CCDC116: variants seen among roughly 807,000 people sequenced by gnomAD.
CCDC116 encodes the protein coiled-coil domain-containing protein 116.
A neutral mutation model predicts 29.4 loss-of-function variants in CCDC116; 24 were observed. That is an observed-to-expected ratio of 0.82 (90% CI 0.59 to 1.15). The LOEUF is 1.15. Ranked by LOEUF, CCDC116 falls within the 50% of genes most tolerant of loss-of-function variation. The pLI is 0.00. For missense variants in CCDC116, 791 were observed against 804.0 expected, an observed-to-expected ratio of 0.98 and a Z score of 0.20; for synonymous variants, 298 against 331.4, an observed-to-expected ratio of 0.90 and a Z score of 1.10.
rs750748159 is a variant in CCDC116 at position 21,636,612 on chromosome 22, G to A, written c.1384G>A (p.Gly462Ser). 8.1e-6 allele frequency: 13 copies of A among 1,613,974 alleles called. No individual in the cohort carries two copies. The highest frequency in any genetic ancestry group is 1.3e-5 in the African/African-American group (1 of 74,908). Residue 462 changes from glycine (G) to serine (S), a missense_variant, in exon 5 of 5, where the codon GGC (glycine) becomes AGC (serine). Transcript: ENST00000292779. ...CGAAAAGGACCTCAGTAAGCAGCTGGGCTTCTTCTCCTTCCCCATCACCCA... is the reference window on the plus strand; with the variant it reads ...CGAAAAGGACCTCAGTAAGCAGCTGAGCTTCTTCTCCTTCCCCATCACCCA... ...EFEKDLSKQL[G>S]FFSFPITHVL...
At position 21,634,589 on chromosome 22, in the gene CCDC116, G is replaced by C. The variant is rs765361354; in HGVS notation, c.621+19G>C. ...GGAAGGGGTGAGAGCCAGGGCCATG[G>C]CTGGGTGGGGTGGACTCCCATGGAG... is the stretch of plus-strand genomic sequence containing the variant. On this transcript the variant is annotated intron_variant, in intron 3 of 4. Coordinates refer to ENST00000292779, the MANE Select transcript of CCDC116 (RefSeq NM_152612.3). 1.3e-6 allele frequency: 2 copies of C among 1,580,660 alleles called. No homozygotes were observed. Among genetic ancestry groups the C allele is most frequent in the African/African-American group, 1.3e-5 (1 of 74,360 alleles).
intron 2 of CCDC116, 60 bp downstream of exon 2, chr22:21,633,313 G>A (rs1046922319): frequency 1.5e-6 from 2 of 1,352,260 alleles, no homozygotes; most frequent in Non-Finnish European, 2.0e-6. Context: ...CACCAACCCT[G>A]GCACCCAAGA....
chr22:21,635,944 G>A, intron 4 of CCDC116: 1 of 389,690 alleles, frequency 2.6e-6, no homozygotes, highest in Non-Finnish European at 4.6e-6. Context: ...GCCTCGAGCA[G>A]GACTCTCCAG....
chr22:21,637,297 G>T lies in CCDC116; in HGVS notation c.*227G>T. On this transcript the variant is annotated 3_prime_UTR_variant, in exon 5 of 5. Coordinates refer to ENST00000292779, the MANE Select transcript of CCDC116 (RefSeq NM_152612.3). Reference sequence around the variant, plus strand: ...AGTGAAAGAAATAGAAATAAAGCCTGTGTTGCTGGGACACAGGTTTGCTGT... The same window carrying T: ...AGTGAAAGAAATAGAAATAAAGCCTTTGTTGCTGGGACACAGGTTTGCTGT... The T allele has an allele frequency of 2.1e-6, 1 of 469,138 alleles. No homozygotes were observed. Among genetic ancestry groups the T allele is most frequent in the Non-Finnish European group, 3.6e-6 (1 of 277,916 alleles). 29.1% of individuals were successfully genotyped at this position (469,138 alleles called of 1,614,324 possible). A position where few individuals can be genotyped will look rare whatever the true frequency, so the allele number is the denominator to read the frequency against.
In CCDC116 at chr22:21,634,359, G is replaced by A. The variant is rs145707950; in HGVS notation, c.410G>A (p.Arg137His). The stretch of plus-strand genomic sequence containing the variant: ...AGCCTCAGCACCGTACACCGGCACC[G>A]TGTACGGCCGACCCTCTGCACTGGA... ...RPSLSTVHRH[R>H]VRPTLCTGHP... The change falls in exon 3 of 5, where the codon CGT becomes CAT. Residue 137 changes from arginine to histidine, a missense_variant. Arg to His is a conservative substitution (Grantham distance 29). Transcript: ENST00000292779. The A allele has an allele frequency of 8.7e-6, 14 of 1,613,002 alleles. No homozygotes were observed. In the East Asian group the frequency reaches 8.9e-5, roughly 10 times the overall value.
At chr22:21,636,007 A>G (rs759418602) in intron 4 of CCDC116, among the ~76,000 whole-genome samples, 2 of 152,236 alleles carry the variant, frequency 1.3e-5, no homozygotes, top group African/African-American at 2.4e-5. Flanking sequence ...TACAAGACGT[A>G]GGTGGCCTCA....
In CCDC116 at chr22:21,637,073, C is replaced by T; in HGVS notation, c.*3C>T. The T allele has an allele frequency of 1.2e-6, 2 of 1,600,032 alleles. No individual in the cohort carries two copies. The highest frequency in any genetic ancestry group is 1.7e-6 in the Non-Finnish European group (2 of 1,172,044). ...ACAAGGATGAGGATGGAGTCTAGAG[C>T]CTCCCAGAGCCTGGAGAGGAGGCCT... On this transcript the variant is annotated 3_prime_UTR_variant, in exon 5 of 5. Transcript: ENST00000292779.
chr22:21,634,133 C>T lies in CCDC116; in HGVS notation c.184C>T (p.Arg62Ter), dbSNP rs201488040. ...CGSSALQGQR[R>*]NKRHPQPFGH... ...CAGCTCAGCACTCCAGGGCCAACGC[C>T]GAAACAAGAGGCACCCTCAGCCCTT... is the stretch of plus-strand genomic sequence containing the variant. Residue 62 changes from arginine (R) to a stop codon, truncating the protein, a stop_gained, in exon 3 of 5, where the codon CGA becomes TGA. Transcript: ENST00000292779. LOFTEE classifies it high-confidence loss of function. The T allele has an allele frequency of 6.6e-5, 107 of 1,614,224 alleles. No homozygotes were observed. The East Asian group carries it at 1.2e-3, about 18-fold the overall frequency.
At position 21,633,203 on chromosome 22, in the gene CCDC116, T is replaced by G. The variant is rs991034536; in HGVS notation, c.22T>G (p.Ser8Ala). Residue 8 changes from serine (S) to alanine (A), a missense_variant, in exon 2 of 5, where the codon TCG becomes GCG. Physicochemically the swap from Ser to Ala is moderately conservative, Grantham distance 99 (BLOSUM62 1). Coordinates refer to ENST00000292779, the MANE Select transcript of CCDC116 (RefSeq NM_152612.3). ...CCACATGGCCAGGTGCCGCCACCAC[T>G]CGGGTTACCTGGCCGATGACGAGGC... MARCRHH[S>A]GYLADDEASH... The G allele has an allele frequency of 1.9e-6, 3 of 1,550,576 alleles. No homozygotes were observed. The highest frequency in any genetic ancestry group is 2.6e-6 in the Non-Finnish European group (3 of 1,146,970).
chr22:21,633,077 G>C lies in CCDC116; in HGVS notation c.-62-43G>C, dbSNP rs1348892902. 6 of 878,892 alleles carry C rather than the reference G, an allele frequency of 6.8e-6. No homozygotes were observed. The Admixed American group carries it at 1.2e-4, about 18-fold the overall frequency. The allele number at this position is 878,892 out of a possible 1,614,324, so 54.4% of individuals were successfully genotyped here. ...GCAGACTCCAGGGCCACAGATGCGT[G>C]GACCTATTGGAGACCCTCAGGTTGT... is the stretch of plus-strand genomic sequence containing the variant. On this transcript the variant is annotated intron_variant, in intron 1 of 4. Coordinates refer to ENST00000292779, the MANE Select transcript of CCDC116 (RefSeq NM_152612.3).
intron 2 of CCDC116, 77 bp downstream of exon 2, chr22:21,633,330 C>T: frequency 5.1e-6 from 6 of 1,171,284 alleles, no homozygotes; most frequent in Non-Finnish European, 7.2e-6. Flanking sequence ...AAGACCACAA[C>T]CCCCATTTCT....
rs867421486 is a variant in CCDC116, at chr22:21,634,791, C to T, written c.728C>T (p.Ser243Leu). The change falls in exon 4 of 5, where the codon TCA becomes TTA. Residue 243 changes from serine to leucine, a missense_variant. Physicochemically the swap from Ser to Leu is moderately radical, Grantham distance 145 (BLOSUM62 -2). Transcript: ENST00000292779. ...CAGGAGCAGCCCTTGTCCTGGTTCT[C>T]AGGGCTGCTGGGCTCAAGCTCTGGC... is the stretch of plus-strand genomic sequence containing the variant. ...WTQEQPLSWFSGLLGSSSGVP... is the reference protein window; with the variant it reads ...WTQEQPLSWFLGLLGSSSGVP... The T allele has an allele frequency of 3.7e-6, 6 of 1,614,014 alleles. No individual in the cohort carries two copies. The highest frequency in any genetic ancestry group is 1.6e-4 in the Middle Eastern group (1 of 6,062).
chr22:21,636,362 A>T, intron 4 of CCDC116, 70 bp from the exon 5 acceptor site: 1 of 1,433,460 alleles, frequency 7.0e-7, no homozygotes, highest in Non-Finnish European at 9.5e-7. Flanking sequence ...AGTGGCTGGA[A>T]GGGGTGTCAC....
At position 21,634,130 on chromosome 22, in the gene CCDC116, C is replaced by T. The variant is rs141571879; in HGVS notation, c.181C>T (p.Arg61Cys). The T allele has an allele frequency of 1.8e-4, 294 of 1,614,252 alleles. No homozygotes were observed. The African/African-American group carries it at 2.7e-3, about 15-fold the overall frequency. The change falls in exon 3 of 5, where the codon CGC becomes TGC. Residue 61 changes from arginine (R) to cysteine (C), a missense_variant. Physicochemically the swap from Arg to Cys is radical, Grantham distance 180. Coordinates refer to ENST00000292779, the MANE Select transcript of CCDC116 (RefSeq NM_152612.3). ...TCGSSALQGQ[R>C]RNKRHPQPFG... ...TGGCAGCTCAGCACTCCAGGGCCAA[C>T]GCCGAAACAAGAGGCACCCTCAGCC...
At chr22:21,635,886 GC>G in intron 4 of CCDC116, 1 of 479,210 alleles carries the variant, frequency 2.1e-6, no homozygotes, top group African/African-American at 2.0e-5. Flanking sequence ...AGCAGCCCAA[GC>G]CCAGCCGGGG....
Position 21,637,182 on chromosome 22 carries a change from T to G in CCDC116, c.*112T>G, listed in dbSNP as rs548777273. The G allele has an allele frequency of 1.5e-5, 21 of 1,433,068 alleles. No individual in the cohort carries two copies. In the Admixed American group the frequency reaches 4.8e-4, roughly 33 times the overall value. 88.8% of individuals were successfully genotyped at this position (1,433,068 alleles called of 1,614,324 possible). ...ACTCGATTCCCTGCTCTGTCAGAGT[T>G]GCTGCACATCACACCAGCCCCTGCC... is the stretch of plus-strand genomic sequence containing the variant. On this transcript the variant is annotated 3_prime_UTR_variant, in exon 5 of 5. Transcript: ENST00000292779.
In CCDC116 at chr22:21,633,238, C is replaced by T. The variant is rs1308573170; in HGVS notation, c.57C>T (p.Ser19=). The change falls in exon 2 of 5, where the codon TCC becomes TCT. Residue 19 remains serine, a synonymous_variant. Coordinates refer to ENST00000292779, the MANE Select transcript of CCDC116 (RefSeq NM_152612.3). Reference sequence around the variant, plus strand: ...TGGCCGATGACGAGGCCAGCCACTCCATGTGCAGTGCACGGGTAAGTGTGC... The same window carrying T: ...TGGCCGATGACGAGGCCAGCCACTCTATGTGCAGTGCACGGGTAAGTGTGC... ...GYLADDEASH[S]MCSARVQLPK... 2.6e-6 allele frequency: 4 copies of T among 1,551,162 alleles called. No individual in the cohort carries two copies. The highest frequency in any genetic ancestry group is 8.7e-7 in the Non-Finnish European group (1 of 1,147,074).
chr22:21,634,074 C>A lies in CCDC116; in HGVS notation c.125C>A (p.Pro42Gln). The A allele has an allele frequency of 2.5e-6, 4 of 1,613,714 alleles. No homozygotes were observed. In the African/African-American group the frequency reaches 4.0e-5, roughly 16 times the overall value. ...LVPEMRPACK[P>Q]GRVPHPPSTC... is the part of the protein sequence containing the mutation. ...CCAGAAATGCGGCCAGCCTGCAAGC[C>A]GGGCCGTGTGCCACACCCACCATCC... is the stretch of plus-strand genomic sequence containing the variant. Residue 42 changes from proline to glutamine, a missense_variant, in exon 3 of 5, where the codon CCG (proline) becomes CAG (glutamine). Physicochemically the swap from Pro to Gln is moderately conservative, Grantham distance 76. Coordinates refer to ENST00000292779, the MANE Select transcript of CCDC116 (RefSeq NM_152612.3).
intron 2 of CCDC116, 48 bp from the exon 3 acceptor site, chr22:21,633,974 T>C (rs1298719013): frequency 6.5e-7 from 1 of 1,534,354 alleles, no homozygotes; most frequent in Non-Finnish European, 8.8e-7. Flanking sequence ...CAGGGAACCC[T>C]TCACCTGTAG....
Sources: gnomAD v4.1 joint callset for allele counts (sites outside exome capture counted in the v4.1 genomes callset) on GRCh38, gnomAD v4.1.1 for gene constraint, MANE v1.5 for transcripts, NCBI Gene and HGNC (gene_info 2026-07-23, HGNC 2026-07-21) for gene names.